HMG20A: variants seen among roughly 807,000 people sequenced by gnomAD.
HMG20A encodes the protein high mobility group 20A.
A neutral mutation model predicts 43.9 loss-of-function variants in HMG20A; 17 were observed. The observed-to-expected ratio is 0.39, with a 90% CI of 0.27 to 0.58. HMG20A has a LOEUF of 0.58. Ranked by LOEUF, HMG20A falls within the 20% of genes least tolerant of loss-of-function variation. The pLI, the probability that HMG20A is intolerant of heterozygous loss-of-function variation, is 0.59. For synonymous variants in HMG20A, 132 were observed against 147.5 expected (o/e 0.89, Z 0.76); for missense variants, 341 against 438.2 (o/e 0.78, Z 1.98).
chr15:77,509,733 C>CCGT, the HMG20A span, among the ~76,000 whole-genome samples: 1 of 151,568 alleles, frequency 6.6e-6, no homozygotes, highest in East Asian at 2.0e-4. Flanking sequence ...TGGAGAAACC[C>CCGT]CGTCTCTACT....
the HMG20A span, among the ~76,000 whole-genome samples, chr15:77,511,602 G>T: frequency 1.3e-5 from 2 of 152,178 alleles, no homozygotes; most frequent in African/African-American, 4.8e-5. Flanking sequence ...AATTAAAAAG[G>T]ACTTCAATAG....
At chr15:77,468,444 A>C (rs763142094) in intron 4 of HMG20A, among the ~76,000 whole-genome samples, 9 of 152,186 alleles carry the variant, frequency 5.9e-5, no homozygotes, top group Non-Finnish European at 1.3e-4. Flanking sequence ...CAAACATAAA[A>C]ATAATACAAA....
chr15:77,456,791 G>A (rs1236156956), intron 1 of HMG20A, among the ~76,000 whole-genome samples: 1 of 152,200 alleles, frequency 6.6e-6, no homozygotes, highest in Non-Finnish European at 1.5e-5. Context: ...GTGAGGTGAT[G>A]TTAGCAGCCC....
chr15:77,503,091 T>C, the HMG20A span, among the ~76,000 whole-genome samples: 1 of 152,180 alleles, frequency 6.6e-6, no homozygotes, highest in Non-Finnish European at 1.5e-5. Flanking sequence ...TTTGCTTAGG[T>C]ATTCTTTTTT....
chr15:77,478,323 C>T lies in HMG20A; in HGVS notation c.720C>T (p.Arg240=), dbSNP rs769722999. Residue 240 remains arginine, a synonymous_variant, in exon 8 of 10, where the codon CGC becomes CGT. Transcript: ENST00000336216. ...GGGAAGCAGAGCTCCGCCAGCTTCG[C>T]AAATCCAACATGGAGTTTGAGGAGA... ...KAREAELRQL[R]KSNMEFEERN... The T allele has an allele frequency of 6.2e-7, 1 of 1,613,528 alleles. No homozygotes were observed. Among genetic ancestry groups the T allele is most frequent in the Non-Finnish European group, 8.5e-7 (1 of 1,180,024 alleles).
At chr15:77,502,491 A>T in the HMG20A span, among the ~76,000 whole-genome samples, 1 of 152,094 alleles carries the variant, frequency 6.6e-6, no homozygotes, top group African/African-American at 2.4e-5. Context: ...CCTTCTCCAA[A>T]TCCCTCTGCT....
At chr15:77,467,006 T>G in intron 3 of HMG20A, 89 bp from the exon 4 acceptor site, 1 of 1,060,194 alleles carries the variant, frequency 9.4e-7, no homozygotes, top group African/African-American at 1.6e-5. Flanking sequence ...CCTGTTTTGT[T>G]TGTTGTTGTT....
At chr15:77,493,373 G>A in the HMG20A span, among the ~76,000 whole-genome samples, 1 of 152,260 alleles carries the variant, frequency 6.6e-6, no homozygotes, top group Non-Finnish European at 1.5e-5. Flanking sequence ...TGGGGATTTA[G>A]AGGAGCTGAA....
the HMG20A span, among the ~76,000 whole-genome samples, chr15:77,501,935 C>T: frequency 6.6e-6 from 1 of 152,200 alleles, no homozygotes; most frequent in East Asian, 1.9e-4. Flanking sequence ...CAATGCCTGG[C>T]ATGATCTGGC....
rs573077202 is a variant in HMG20A, at chr15:77,443,796, C to T, written c.-4-14608C>T. Among the ~76,000 whole-genome samples the T allele has an allele frequency of 1.4e-4, 21 of 152,188 alleles. 1 individual carries two copies. The South Asian group carries it at 4.4e-3, about 32-fold the overall frequency. On this transcript the variant is annotated intron_variant, in intron 1 of 9. Coordinates refer to ENST00000336216, the MANE Select transcript of HMG20A (RefSeq NM_001304504.2). The stretch of plus-strand genomic sequence containing the variant: ...TAATGGCTCACTGCAGCCTCAACTT[C>T]CTGGGCTCCAGCAATCTTCCCACCT...
chr15:77,514,492 T>C, the HMG20A span, among the ~76,000 whole-genome samples: 344 of 152,334 alleles, frequency 2.3e-3, 1 homozygote, highest in African/African-American at 7.8e-3. Context: ...AAGCTGTACA[T>C]GTAAGATGTG....
At chr15:77,499,330 C>A in the HMG20A span, among the ~76,000 whole-genome samples, 1 of 152,212 alleles carries the variant, frequency 6.6e-6, no homozygotes, top group Non-Finnish European at 1.5e-5. Flanking sequence ...GCTTCTCCAT[C>A]TGGCATCCTG....
At chr15:77,480,298 A>G (rs899932642) in intron 9 of HMG20A, among the ~76,000 whole-genome samples, 2 of 151,918 alleles carry the variant, frequency 1.3e-5, no homozygotes, top group Non-Finnish European at 2.9e-5. Flanking sequence ...CACTGTCTCA[A>G]AAATTTTTTT....
intron 1 of HMG20A, among the ~76,000 whole-genome samples, chr15:77,453,409 T>C (rs1430410784): frequency 6.6e-6 from 1 of 152,120 alleles, no homozygotes; most frequent in Non-Finnish European, 1.5e-5. Context: ...AGGATGGCTC[T>C]AATAAAAAAG....
At chr15:77,463,410 A>G (rs936535381) in intron 2 of HMG20A, among the ~76,000 whole-genome samples, 17 of 152,202 alleles carry the variant, frequency 1.1e-4, no homozygotes, top group African/African-American at 3.9e-4. Flanking sequence ...TTTCAGAATA[A>G]TGACTGAATA....
At chr15:77,432,452 T>A (rs1595911835) in intron 1 of HMG20A, among the ~76,000 whole-genome samples, 1 of 152,184 alleles carries the variant, frequency 6.6e-6, no homozygotes, top group East Asian at 1.9e-4. Context: ...CCAGTCGCAG[T>A]GGCTCACGCC....
At chr15:77,431,711 A>G (rs912103968) in intron 1 of HMG20A, among the ~76,000 whole-genome samples, 2 of 152,206 alleles carry the variant, frequency 1.3e-5, no homozygotes, top group African/African-American at 2.4e-5. Flanking sequence ...GTTATTAACT[A>G]TAGTTAACAT....
chr15:77,509,555 C>CGTGTGT, the HMG20A span, among the ~76,000 whole-genome samples: 120 of 115,470 alleles, frequency 1.0e-3, 1 homozygote, highest in Middle Eastern at 4.2e-3. Flanking sequence ...TGTGCCCAGC[C>CGTGTGT]GTGTGTGTGT....
intron 1 of HMG20A, among the ~76,000 whole-genome samples, chr15:77,446,683 T>C (rs2073678186): frequency 2.0e-5 from 3 of 152,038 alleles, no homozygotes; most frequent in Admixed American, 2.0e-4. Flanking sequence ...GGTGGGCACC[T>C]GTAGTCCCAG....
Sources: allele counts gnomAD v4.1 joint callset (sites outside exome capture counted in the v4.1 genomes callset), GRCh38; gene constraint gnomAD v4.1.1; transcripts MANE v1.5; gene names NCBI Gene and HGNC (gene_info 2026-07-23, HGNC 2026-07-21).